Variants in ABCA7 observed in about 807,000 individuals in gnomAD.
ABCA7 encodes phospholipid-transporting ATPase ABCA7.
ABCA7 carries 261 observed loss-of-function variants against 227.6 expected under a neutral mutation model. That is an observed-to-expected ratio of 1.15 (90% CI 1.04 to 1.27). The LOEUF is 1.27. Among genes scored for constraint, ABCA7 ranks in the 50% most tolerant of loss-of-function variants. ABCA7 has a pLI of 0.00. For missense variants in ABCA7, 3,331 were observed against 2,924.5 expected (o/e 1.14, Z -3.21); for synonymous variants, 1,488 against 1,279.7 (o/e 1.16, Z -3.47).
intron 16 of ABCA7, among the ~76,000 whole-genome samples, chr19:1,048,266 G>T (rs1447149063): frequency 6.6e-6 from 1 of 151,380 alleles, no homozygotes; most frequent in Non-Finnish European, 1.5e-5. Flanking sequence ...GGGAGGCCGA[G>T]GCGGGCGGGT....
In ABCA7 at chr19:1,045,170, G is replaced by C. The variant is rs374759626; in HGVS notation, c.1384G>C (p.Val462Leu). Residue 462 changes from valine (V) to leucine (L), a missense_variant, in exon 12 of 47, where the codon GTG (valine) becomes CTG (leucine). Transcript: ENST00000263094. ...HPTPDLGPGHVRIKIRMDIDV... is the reference protein window; with the variant it reads ...HPTPDLGPGHLRIKIRMDIDV... ...AACCCCAGACCTGGGCCCCGGCCAC[G>C]TGCGCATCAAAATCCGCATGGACAT... is the stretch of plus-strand genomic sequence containing the variant. The C allele has an allele frequency of 7.4e-6, 12 of 1,612,856 alleles. No individual in the cohort carries two copies. In the East Asian group the frequency reaches 2.7e-4, roughly 36 times the overall value.
chr19:1,058,381 GT>G (rs2042429920), intron 37 of ABCA7, 112 bp downstream of exon 37: 15 of 1,490,180 alleles, frequency 1.0e-5, no homozygotes, highest in Non-Finnish European at 1.3e-5. Context: ...GACAGCCAGG[GT>G]TCTTAGGTGG....
chr19:1,042,578 A>G (rs2040168006), intron 6 of ABCA7, 168 bp from the exon 7 acceptor site: 1 of 1,001,396 alleles, frequency 1.0e-6, no homozygotes, highest in Non-Finnish European at 1.5e-6. Context: ...CCAGTGAGGA[A>G]GACTCGTCTG....
In ABCA7 at chr19:1,047,523, G is replaced by A. The variant is rs978119895; in HGVS notation, c.2138G>A (p.Gly713Asp). 4 of 1,592,650 alleles carry A rather than the reference G, an allele frequency of 2.5e-6. No individual in the cohort carries two copies. The African/African-American group carries it at 4.0e-5, about 16-fold the overall frequency. The change falls in exon 16 of 47, where the codon GGC becomes GAC. Residue 713 changes from glycine (G) to aspartate (D), a missense_variant. Physicochemically the swap from Gly to Asp is moderately conservative, Grantham distance 94. Transcript: ENST00000263094. ...SLALLEEQGE[G>D]AQWHNVGTRP... ...GCTCTGCTGGAGGAGCAGGGCGAGG[G>A]CGCGCAGTGGCACAACGTGGGCACC...
In ABCA7 at chr19:1,041,961, C is replaced by A; in HGVS notation, c.291C>A (p.Phe97Leu). The change falls in exon 4 of 47, where the codon TTC becomes TTA. Residue 97 changes from phenylalanine to leucine, a missense_variant. By Grantham distance (22) the Phe-to-Leu change is conservative. Transcript: ENST00000263094. The stretch of plus-strand genomic sequence containing the variant: ...AGGAGCCCGGGCGCCTGAGCAACTT[C>A]AACGACTCCCTGTGAGCCAGAGGCA... ...PGEEPGRLSN[F>L]NDSLVSRLLA... 1 of 1,586,040 alleles carries A rather than the reference C, an allele frequency of 6.3e-7. No individual in the cohort carries two copies. Among genetic ancestry groups the A allele is most frequent in the Non-Finnish European group, 8.5e-7 (1 of 1,171,872 alleles).
chr19:1,064,744 G>A lies in ABCA7; in HGVS notation c.6045-187G>A, dbSNP rs892404382. 8.3e-6 allele frequency: 8 copies of A among 959,042 alleles called. No homozygotes were observed. In the African/African-American group the frequency reaches 1.0e-4, roughly 13 times the overall value. 59.4% of individuals were successfully genotyped at this position (959,042 alleles called of 1,614,324 possible). On this transcript the variant is annotated intron_variant, in intron 45 of 46. Transcript: ENST00000263094. ...AAAAATTTAAAAATTAGCTGGACAT[G>A]GTGGTGTGTGCCTGTGGTCTCAGCT...
chr19:1,046,106 T>C (rs1391411357), intron 12 of ABCA7, 124 bp from the exon 13 acceptor site: 3 of 1,128,202 alleles, frequency 2.7e-6, no homozygotes, highest in Non-Finnish European at 3.8e-6. Context: ...TGAGCTATGA[T>C]TGCAGCTCTT....
chr19:1,063,892 T>C (rs1226615683), intron 44 of ABCA7, 29 bp downstream of exon 44: 10 of 1,503,478 alleles, frequency 6.7e-6, no homozygotes, highest in South Asian at 6.2e-5. Flanking sequence ...CCCTGGGCTG[T>C]GGTTAAGGTG....
chr19:1,058,877 A>G lies in ABCA7; in HGVS notation c.5337A>G (p.Glu1779=). 6.3e-7 allele frequency: 1 copy of G among 1,580,046 alleles called. No homozygotes were observed. The highest frequency in any genetic ancestry group is 8.6e-7 in the Non-Finnish European group (1 of 1,159,458). ...LGEEDEDVAR[E]RERVVQGATQ... is the part of the protein sequence containing the mutation. ...AGGAGGACGAGGATGTAGCCCGTGA[A>G]CGGGAGCGGGTGGTCCAAGGAGCCA... The change falls in exon 39 of 47, where the codon GAA becomes GAG. Residue 1779 remains glutamate, a synonymous_variant. Transcript: ENST00000263094.
At position 1,054,149 on chromosome 19, in the gene ABCA7, C is replaced by A; in HGVS notation, c.3577+39C>A. ...AGTGGCCCTGGGGTCCTCCCAGCCA[C>A]CCCCCCACAGCAGCGTGAGCACTGA... On this transcript the variant is annotated intron_variant, in intron 26 of 46. Transcript: ENST00000263094. The surrounding 1 kb of genome is among the most constrained non-coding windows in gnomAD (Gnocchi z 4.8). 1 of 1,610,252 alleles carries A rather than the reference C, an allele frequency of 6.2e-7. No individual in the cohort carries two copies.
Position 1,057,340 on chromosome 19 carries a change from C to G in ABCA7, c.4791C>G (p.Ile1597Met), listed in dbSNP as rs141385605. The G allele has an allele frequency of 6.2e-7, 1 of 1,613,966 alleles. No individual in the cohort carries two copies. Among genetic ancestry groups the G allele is most frequent in the South Asian group, 1.1e-5 (1 of 91,088 alleles). Residue 1597 changes from isoleucine (I) to methionine (M), a missense_variant, in exon 35 of 47, where the codon ATC (isoleucine) becomes ATG (methionine). By Grantham distance (10) the Ile-to-Met change is conservative. Coordinates refer to ENST00000263094, the MANE Select transcript of ABCA7 (RefSeq NM_019112.4). ...GTAACTACTTGGTGCCAGCATGCAT[C>G]GTGGTGCTCATCTTTCTGGCCTTCC... ...DMCNYLVPAC[I>M]VVLIFLAFQQ...
At chr19:1,058,968 T>TG (rs1202337331) in intron 39 of ABCA7, 28 bp downstream of exon 39, 5 of 1,611,484 alleles carry the variant, frequency 3.1e-6, no homozygotes, top group Non-Finnish European at 4.2e-6. Context: ...GACTGCTGGG[T>TG]GGGGGGTGCT....
At chr19:1,062,403 C>G (rs2042720370) in intron 42 of ABCA7, 90 bp downstream of exon 42, 1 of 1,537,640 alleles carries the variant, frequency 6.5e-7, no homozygotes, top group South Asian at 1.2e-5. Context: ...CCCGCACTCT[C>G]TCGCCTTGGC....
intron 45 of ABCA7, 116 bp downstream of exon 45, chr19:1,064,369 G>T: frequency 8.4e-7 from 1 of 1,183,742 alleles, no homozygotes; most frequent in Non-Finnish European, 1.2e-6. Flanking sequence ...CTGGAGAGAT[G>T]GCCAAGGCTT....
At chr19:1,052,956 T>G (rs904072883) in intron 23 of ABCA7, among the ~76,000 whole-genome samples, 8 of 152,052 alleles carry the variant, frequency 5.3e-5, no homozygotes, top group Non-Finnish European at 1.0e-4. Context: ...TGCAGTGGTG[T>G]GATCTCAGCT....
Position 1,061,390 on chromosome 19 carries a change from C to CAAAAAAAAAAA in ABCA7, c.5464-380_5464-370dup, listed in dbSNP as rs978850571. Among the ~76,000 whole-genome samples, 65 of 36,908 alleles carry CAAAAAAAAAAA rather than the reference C, an allele frequency of 1.8e-3. 3 individuals carry two copies. The highest frequency in any genetic ancestry group is 8.6e-3 in the African/African-American group (61 of 7,072). The allele number at this position is 36,908 out of a possible 152,430, so 24.2% of individuals were successfully genotyped here. A position where few individuals can be genotyped will look rare whatever the true frequency, so the allele number is the denominator to read the frequency against. On this transcript the variant is annotated intron_variant, in intron 40 of 46. Transcript: ENST00000263094. ...GGGGTGACACAGCAAGGCTCCGTCT[C>CAAAAAAAAAAA]AAAAAAAAAAAAAAAAAAAAAAGAG...
intron 44 of ABCA7, 114 bp downstream of exon 44, chr19:1,063,977 G>A (rs144431982): frequency 2.2e-6 from 3 of 1,386,456 alleles, no homozygotes; most frequent in East Asian, 2.5e-5. Context: ...TGGGGCGAGG[G>A]CGCCAGGCCC....
intron 40 of ABCA7, among the ~76,000 whole-genome samples, chr19:1,060,973 A>G (rs921850666): frequency 6.6e-6 from 1 of 152,132 alleles, no homozygotes; most frequent in Admixed American, 6.5e-5. Context: ...CACGACCTTT[A>G]TAGGGTACCC....
At chr19:1,041,994 C>A in intron 4 of ABCA7, 22 bp downstream of exon 4, 1 of 1,575,992 alleles carries the variant, frequency 6.3e-7, no homozygotes, top group Non-Finnish European at 8.6e-7. Flanking sequence ...GCAGTGGGTG[C>A]GGCCGGCCTG....
Sources: allele counts gnomAD v4.1 joint callset (sites outside exome capture counted in the v4.1 genomes callset), GRCh38; gene constraint gnomAD v4.1.1; non-coding constraint Gnocchi (gnomAD v3.1); transcripts MANE v1.5; gene names NCBI Gene and HGNC (gene_info 2026-07-23, HGNC 2026-07-21).